The following GRIK4 variants were observed in gnomAD, a reference collection of about 807,000 sequenced individuals.
GRIK4 encodes glutamate receptor ionotropic, kainate 4.
In GRIK4, 40 loss-of-function variants were observed where a neutral mutation model predicts 104.9. That is an observed-to-expected ratio of 0.38 (90% CI 0.30 to 0.50). The LOEUF (loss-of-function observed/expected upper bound fraction) is 0.50, where lower values mean the gene tolerates loss of function less well. Among genes scored for constraint, GRIK4 ranks in the 20% least tolerant of loss-of-function variants. The probability of loss-of-function intolerance (pLI) is 0.93; values close to 1 mark genes in which losing one functional copy is unlikely to be tolerated. For missense variants in GRIK4, 1,047 were observed against 1,308.1 expected (o/e 0.80, Z 3.08); for synonymous variants, 485 against 524.9 (o/e 0.92, Z 1.04).
rs974746746 is a variant in GRIK4 at position 120,807,922 on chromosome 11, C to A, written c.247+5065C>A. Among the ~76,000 whole-genome samples the A allele has an allele frequency of 2.6e-5, 4 of 152,276 alleles. 1 individual carries two copies. Among genetic ancestry groups the A allele is most frequent in the Admixed American group, 2.6e-4 (4 of 15,302 alleles). ...CATCTTTAGGTGGCTCTCCAGAGAA[C>A]GTGCCAATGAGTGGCACAGACAGGG... On this transcript the variant is annotated intron_variant, in intron 4 of 20. Coordinates refer to ENST00000527524, the MANE Select transcript of GRIK4 (RefSeq NM_014619.5).
intron 2 of GRIK4, among the ~76,000 whole-genome samples, chr11:120,658,307 G>A (rs537908465): frequency 1.3e-5 from 2 of 152,150 alleles, no homozygotes; most frequent in African/African-American, 4.8e-5. Context: ...GTGGTTTCCA[G>A]TTTGGGGAAA....
Position 120,871,246 on chromosome 11 carries a change from G to A in GRIK4, c.907-2820G>A, listed in dbSNP as rs112729910. The stretch of plus-strand genomic sequence containing the variant: ...AACTTGCTGTCAATTTGTCTAAGCC[G>A]GAAAGGGAGAATCTGCAGCATTAGT... On this transcript the variant is annotated intron_variant, in intron 9 of 20. Coordinates refer to ENST00000527524, the MANE Select transcript of GRIK4 (RefSeq NM_014619.5). 8.3e-5 allele frequency: 15 copies of A among 180,862 alleles called. No individual in the cohort carries two copies. In the East Asian group the frequency reaches 8.6e-4, roughly 10 times the overall value. The allele number at this position is 180,862 out of a possible 1,614,324, so 11.2% of individuals were successfully genotyped here. A position where few individuals can be genotyped will look rare whatever the true frequency, so the allele number is the denominator to read the frequency against.
chr11:120,893,802 C>A (rs1225960521), intron 11 of GRIK4, among the ~76,000 whole-genome samples: 1 of 152,040 alleles, frequency 6.6e-6, no homozygotes, highest in African/African-American at 2.4e-5. Flanking sequence ...TTTTTCCCCC[C>A]AGGAGAGCCA....
intron 13 of GRIK4, among the ~76,000 whole-genome samples, chr11:120,933,180 GT>G (rs1943517251): frequency 1.3e-5 from 2 of 152,250 alleles, no homozygotes; most frequent in South Asian, 4.1e-4. Flanking sequence ...AGCTGTGCAT[GT>G]GCTCCAGGTC....
intron 3 of GRIK4, among the ~76,000 whole-genome samples, chr11:120,770,488 T>G (rs745339600): frequency 7.9e-5 from 12 of 152,246 alleles, no homozygotes; most frequent in Non-Finnish European, 1.6e-4. Context: ...CCATCCTTTA[T>G]AAACAAAGAT....
intron 3 of GRIK4, among the ~76,000 whole-genome samples, chr11:120,774,643 A>ATCG (rs1262164364): frequency 6.6e-6 from 1 of 152,182 alleles, no homozygotes; most frequent in Non-Finnish European, 1.5e-5. Flanking sequence ...AAATACCTTC[A>ATCG]TCTAGACTGG....
intron 1 of GRIK4, among the ~76,000 whole-genome samples, chr11:120,528,881 C>A (rs1947892821): frequency 6.6e-6 from 1 of 152,166 alleles, no homozygotes; most frequent in Non-Finnish European, 1.5e-5. Context: ...GTGGGAGTTG[C>A]AATTCAAGAT....
At chr11:120,918,660 T>C (rs565026396) in intron 13 of GRIK4, among the ~76,000 whole-genome samples, 1 of 152,260 alleles carries the variant, frequency 6.6e-6, no homozygotes. Context: ...AGAGGGCCAA[T>C]CTTTATAATT....
At chr11:120,737,345 G>A (rs1025689331) in intron 3 of GRIK4, among the ~76,000 whole-genome samples, 1 of 152,198 alleles carries the variant, frequency 6.6e-6, no homozygotes, top group Admixed American at 6.5e-5. Context: ...ATTAGACATT[G>A]AGCACCAATA....
rs202013473 is a variant in GRIK4, at chr11:120,690,009, G to GT, written c.82+29618dup. On this transcript the variant is annotated intron_variant, in intron 3 of 20. Coordinates refer to ENST00000527524, the MANE Select transcript of GRIK4 (RefSeq NM_014619.5). ...CCAGGTGTCTCTTATTGTAATTAAA[G>GT]TTTTTTTTTCCTTAGTCAATTTCAG... Among the ~76,000 whole-genome samples the GT allele has an allele frequency of 7.5e-3, 1,137 of 151,764 alleles. 13 individuals are homozygous for GT. Among genetic ancestry groups the GT allele is most frequent in the African/African-American group, 0.024 (1,001 of 41,374 alleles).
chr11:120,972,290 G>A (rs1409019077), intron 19 of GRIK4, among the ~76,000 whole-genome samples: 1 of 152,220 alleles, frequency 6.6e-6, no homozygotes, highest in Non-Finnish European at 1.5e-5. Flanking sequence ...GGTGTGGTGG[G>A]ATGGAATTCT....
intron 3 of GRIK4, among the ~76,000 whole-genome samples, chr11:120,740,620 A>G (rs1951311097): frequency 6.6e-6 from 1 of 152,202 alleles, no homozygotes; most frequent in Admixed American, 6.5e-5. Flanking sequence ...TATCTCTGGC[A>G]TCTGCCTGGG....
At chr11:120,689,832 A>G (rs1048527329) in intron 3 of GRIK4, among the ~76,000 whole-genome samples, 2 of 152,112 alleles carry the variant, frequency 1.3e-5, no homozygotes, top group Non-Finnish European at 2.9e-5. Context: ...CACCCCCGCC[A>G]GGGCAAACTC....
chr11:120,901,215 C>G (rs1321222030), intron 12 of GRIK4, among the ~76,000 whole-genome samples: 1 of 152,148 alleles, frequency 6.6e-6, no homozygotes, highest in Non-Finnish European at 1.5e-5. Context: ...CCTGCTGCCC[C>G]TTACCTTGGG....
At chr11:120,541,324 A>G (rs929492256) in intron 1 of GRIK4, among the ~76,000 whole-genome samples, 1 of 152,162 alleles carries the variant, frequency 6.6e-6, no homozygotes, top group African/African-American at 2.4e-5. Context: ...TGTTGAAACT[A>G]TTTATTCCTG....
intron 11 of GRIK4, among the ~76,000 whole-genome samples, chr11:120,892,567 TC>T (rs1296552321): frequency 1.1e-4 from 16 of 151,514 alleles, no homozygotes; most frequent in African/African-American, 3.6e-4. Context: ...CTAATGGGGG[TC>T]TCCTGATGCC....
intron 3 of GRIK4, among the ~76,000 whole-genome samples, chr11:120,684,771 C>T (rs556868134): frequency 2.0e-5 from 3 of 152,010 alleles, no homozygotes; most frequent in South Asian, 2.1e-4. Context: ...AGTGCAGTGG[C>T]GCGATCTCAG....
rs1376929885 is a variant in GRIK4, at chr11:120,986,031, C to G, written c.2642C>G (p.Pro881Arg). 6.6e-7 allele frequency: 1 copy of G among 1,524,244 alleles called. No individual in the cohort carries two copies. The allele number at this position is 1,524,244 out of a possible 1,614,324, so 94.4% of individuals were successfully genotyped here. ...PRPPIPEERR[P>R]RGTATLSNGK... ...CCCCCCATCCCCGAGGAGCGCCGAC[C>G]GCGGGGCACGGCGACGCTCAGCAAC... Residue 881 changes from proline to arginine, a missense_variant, in exon 21 of 21, where the codon CCG becomes CGG. Pro to Arg is a moderately radical substitution (Grantham distance 103). Coordinates refer to ENST00000527524, the MANE Select transcript of GRIK4 (RefSeq NM_014619.5).
intron 1 of GRIK4, among the ~76,000 whole-genome samples, chr11:120,528,268 C>T (rs562137147): frequency 3.3e-5 from 5 of 152,208 alleles, no homozygotes; most frequent in Admixed American, 6.5e-5. Flanking sequence ...CCCGCCACCA[C>T]GCCCGGCTAA....
Sources: gnomAD v4.1 joint callset for allele counts (sites outside exome capture counted in the v4.1 genomes callset) on GRCh38, gnomAD v4.1.1 for gene constraint, MANE v1.5 for transcripts, NCBI Gene and HGNC (gene_info 2026-07-23, HGNC 2026-07-21) for gene names.